The following UBR1 variants were observed in gnomAD, a reference collection of about 807,000 sequenced individuals.
The protein encoded by UBR1 is E3 ubiquitin-protein ligase UBR1.
UBR1 carries 102 observed loss-of-function variants against 242.1 expected under a neutral mutation model. That is an observed-to-expected ratio of 0.42 (90% confidence interval 0.36 to 0.50). The LOEUF (loss-of-function observed/expected upper bound fraction) is 0.50. Among genes scored for constraint, UBR1 ranks in the 20% least tolerant of loss-of-function variants. The pLI, the probability that UBR1 is intolerant of heterozygous loss-of-function variation, is 0.01. For synonymous variants in UBR1, 675 were observed against 684.8 expected, an observed-to-expected ratio of 0.99 and a Z score of 0.22; for missense variants, 1,772 against 2,101.8, an observed-to-expected ratio of 0.84 and a Z score of 3.07.
intron 46 of UBR1, among the ~76,000 whole-genome samples, chr15:42,945,859 C>T (rs891220776): frequency 1.4e-4 from 22 of 152,062 alleles, no homozygotes; most frequent in African/African-American, 4.3e-4. Flanking sequence ...TTAGGCCTGA[C>T]GTATAACACT....
At chr15:43,005,441 G>A (rs924710786) in intron 30 of UBR1, among the ~76,000 whole-genome samples, 6 of 148,180 alleles carry the variant, frequency 4.0e-5, no homozygotes, top group African/African-American at 7.5e-5. Flanking sequence ...GCCCCCGCCC[G>A]GCCAGCCACC....
chr15:43,075,271 C>A (rs1038699583), intron 3 of UBR1, among the ~76,000 whole-genome samples, 182 bp from the exon 4 acceptor site: 1 of 152,112 alleles, frequency 6.6e-6, no homozygotes, highest in Non-Finnish European at 1.5e-5. Flanking sequence ...AACCAACAAA[C>A]CAAAACTTCC....
At chr15:43,006,994 CCAAATGTTTTT>C in intron 30 of UBR1, 74 bp downstream of exon 30, 1 of 1,332,216 alleles carries the variant, frequency 7.5e-7, no homozygotes, top group Non-Finnish European at 1.1e-6. Context: ...ACCCTTATTT[CCAAATGTTTTT>C]CAAATAGTAT....
chr15:43,015,368 T>C (rs1270992433), intron 29 of UBR1, among the ~76,000 whole-genome samples: 1 of 152,058 alleles, frequency 6.6e-6, no homozygotes, highest in Non-Finnish European at 1.5e-5. Context: ...CTCTGAAACA[T>C]GTGCTGTGTC....
chr15:43,021,306 C>A lies in UBR1; in HGVS notation c.2909G>T (p.Gly970Val), dbSNP rs938503004. 6.2e-7 allele frequency: 1 copy of A among 1,613,578 alleles called. No homozygotes were observed. The highest frequency in any genetic ancestry group is 1.3e-5 in the African/African-American group (1 of 74,890). ...EKLKGIPQLEGQKDMITWILQ... is the reference protein window; with the variant it reads ...EKLKGIPQLEVQKDMITWILQ... ...TATCCACGTTATCATGTCCTTCTGG[C>A]CTTCTAACTGGGGAATTCCTTTGAG... is the stretch of plus-strand genomic sequence containing the variant. Residue 970 changes from glycine to valine, a missense_variant, in exon 27 of 47, where the codon GGC (glycine) becomes GTC (valine). Gly to Val is a moderately radical substitution (Grantham distance 109, BLOSUM62 -3). Coordinates refer to ENST00000290650, the MANE Select transcript of UBR1 (RefSeq NM_174916.3).
chr15:42,998,356 A>G (rs766239117), intron 32 of UBR1, 91 bp from the exon 33 acceptor site: 1 of 1,219,846 alleles, frequency 8.2e-7, no homozygotes, highest in Non-Finnish European at 1.2e-6. Flanking sequence ...ATAAATGGTC[A>G]TATAAAAAAG....
At chr15:43,025,040 G>C (rs971482036) in intron 24 of UBR1, 57 bp from the exon 25 acceptor site, 7 of 1,602,224 alleles carry the variant, frequency 4.4e-6, no homozygotes, top group Non-Finnish European at 5.1e-6. Flanking sequence ...TTTTATTTGG[G>C]TTATCCTACA....
chr15:43,091,347 T>C (rs2034103945), intron 1 of UBR1, among the ~76,000 whole-genome samples: 1 of 152,232 alleles, frequency 6.6e-6, no homozygotes, highest in Non-Finnish European at 1.5e-5. Context: ...GAAATGCTCA[T>C]TGTAACATTT....
chr15:43,022,436 A>C (rs78708616), intron 26 of UBR1, among the ~76,000 whole-genome samples: 6 of 138,570 alleles, frequency 4.3e-5, no homozygotes, highest in Admixed American at 4.2e-4. Context: ...ATATGCAACC[A>C]AAAAAAAAAA....
intron 12 of UBR1, among the ~76,000 whole-genome samples, chr15:43,053,853 A>T (rs2033584471): frequency 7.0e-6 from 1 of 143,718 alleles, no homozygotes; most frequent in Non-Finnish European, 1.5e-5. Flanking sequence ...TTTGAGATGC[A>T]GTCTCACTCC....
chr15:43,036,351 C>A, intron 18 of UBR1, 72 bp from the exon 19 acceptor site: 1 of 1,443,732 alleles, frequency 6.9e-7, no homozygotes, highest in South Asian at 1.2e-5. Flanking sequence ...GTAGGACTGT[C>A]AAAAATTAAA....
At chr15:43,001,266 G>A (rs1199812716) in intron 32 of UBR1, among the ~76,000 whole-genome samples, 1 of 151,612 alleles carries the variant, frequency 6.6e-6, no homozygotes, top group African/African-American at 2.4e-5. Flanking sequence ...CCTTGGCTCA[G>A]CCTCCCAAGT....
intron 33 of UBR1, among the ~76,000 whole-genome samples, chr15:42,993,457 C>T (rs1205157069): frequency 1.3e-5 from 2 of 151,750 alleles, no homozygotes; most frequent in African/African-American, 4.8e-5. Flanking sequence ...TCCACCTCCC[C>T]GGTTCATGCC....
intron 6 of UBR1, among the ~76,000 whole-genome samples, chr15:43,060,471 A>G (rs902837747): frequency 9.9e-5 from 15 of 152,194 alleles, no homozygotes; most frequent in Non-Finnish European, 2.1e-4. Context: ...GAATGAATTC[A>G]CAGCTCTTCA....
At chr15:43,061,234 G>C (rs1194909960) in intron 6 of UBR1, among the ~76,000 whole-genome samples, 1 of 152,106 alleles carries the variant, frequency 6.6e-6, no homozygotes, top group East Asian at 1.9e-4. Flanking sequence ...AGCACACAGA[G>C]GCTCACATCA....
In UBR1 at chr15:43,103,688, C is replaced by T. The variant is rs992793511; in HGVS notation, c.81+2254G>A. On this transcript the variant is annotated intron_variant, in intron 1 of 46. Coordinates refer to ENST00000290650, the MANE Select transcript of UBR1 (RefSeq NM_174916.3). ...ATATGAATGAAAAAGGATCTGCAGA[C>T]TAAGAAGGAAGTTTAAGGAAATCAG... 2.6e-5 allele frequency among the ~76,000 whole-genome samples: 4 copies of T among 152,158 alleles called. 1 individual carries two copies. The highest frequency in any genetic ancestry group is 5.9e-5 in the Non-Finnish European group (4 of 68,020).
intron 34 of UBR1, among the ~76,000 whole-genome samples, chr15:42,989,474 T>C (rs899885791): frequency 6.6e-6 from 1 of 152,200 alleles, no homozygotes; most frequent in Non-Finnish European, 1.5e-5. Context: ...TAACAAGTAT[T>C]TTCAGTAGCA....
intron 11 of UBR1, among the ~76,000 whole-genome samples, chr15:43,055,671 T>C (rs2033608780): frequency 6.6e-6 from 1 of 152,080 alleles, no homozygotes; most frequent in East Asian, 1.9e-4. Context: ...TCCCAGCACT[T>C]TGGGAGGCTA....
chr15:42,967,572 T>C (rs1395396318), intron 40 of UBR1, among the ~76,000 whole-genome samples: 1 of 152,116 alleles, frequency 6.6e-6, no homozygotes, highest in African/African-American at 2.4e-5. Flanking sequence ...AGTTAAATTA[T>C]TCTGTATGAT....
Sources: allele counts gnomAD v4.1 joint callset (sites outside exome capture counted in the v4.1 genomes callset), GRCh38; gene constraint gnomAD v4.1.1; transcripts MANE v1.5; gene names NCBI Gene and HGNC (gene_info 2026-07-23, HGNC 2026-07-21).